The following PLEKHF1 variants were observed in gnomAD, a reference collection of about 807,000 sequenced individuals.
PLEKHF1 encodes pleckstrin homology and FYVE domain containing 1, also known as pleckstrin homology domain-containing family F member 1.
PLEKHF1 carries 1 observed loss-of-function variant against 4.1 expected under a neutral mutation model. That is an observed-to-expected ratio of 0.24 (90% CI 0.09 to 1.15). The LOEUF is 1.15. Ranked by LOEUF, PLEKHF1 falls within the 50% of genes most tolerant of loss-of-function variation. The pLI, the probability that PLEKHF1 is intolerant of heterozygous loss-of-function variation, is 0.52. For synonymous variants in PLEKHF1, 182 were observed against 178.5 expected, an observed-to-expected ratio of 1.02 and a Z score of -0.16; for missense variants, 429 against 400.6, an observed-to-expected ratio of 1.07 and a Z score of -0.60.
rs1424268751 is a variant in PLEKHF1, at chr19:29,674,319, C to A, written c.480C>A (p.Arg160=). The change falls in exon 2 of 2, where the codon CGC becomes CGA. Residue 160 remains arginine, a synonymous_variant. Transcript: ENST00000436066. ...IPDKATDICM[R]CTQTRFSALT... ...ACAAGGCCACGGACATCTGCATGCG[C>A]TGCACGCAGACGCGCTTCTCTGCCC... The A allele has an allele frequency of 1.3e-6, 2 of 1,581,524 alleles. No individual in the cohort carries two copies. Among genetic ancestry groups the A allele is most frequent in the Non-Finnish European group, 1.7e-6 (2 of 1,170,840 alleles).
intron 1 of PLEKHF1, among the ~76,000 whole-genome samples, chr19:29,670,544 T>G (rs114378370): frequency 6.6e-6 from 1 of 152,172 alleles, no homozygotes; most frequent in South Asian, 2.1e-4. Flanking sequence ...GACGTTTGAG[T>G]TGCTTCCACC....
At chr19:29,672,301 C>T (rs1053440826) in intron 1 of PLEKHF1, among the ~76,000 whole-genome samples, 3 of 152,140 alleles carry the variant, frequency 2.0e-5, no homozygotes, top group Non-Finnish European at 4.4e-5. Flanking sequence ...CCACCAGAGA[C>T]AATAATAAAT....
At chr19:29,666,145 C>G (rs1403789448) in intron 1 of PLEKHF1, among the ~76,000 whole-genome samples, 1 of 151,818 alleles carries the variant, frequency 6.6e-6, no homozygotes, top group Non-Finnish European at 1.5e-5. Context: ...CCTGGCGGGC[C>G]GTGTAGGGCA....
At chr19:29,673,788 A>T in intron 1 of PLEKHF1, 36 bp from the exon 2 acceptor site, 1 of 1,559,606 alleles carries the variant, frequency 6.4e-7, no homozygotes, top group Non-Finnish European at 8.7e-7. Flanking sequence ...CCCATGCCTG[A>T]GCCTGGACAT....
Position 29,674,492 on chromosome 19 carries a change from A to G in PLEKHF1, c.653A>G (p.Glu218Gly). The G allele has an allele frequency of 6.5e-7, 1 of 1,547,794 alleles. No homozygotes were observed. Residue 218 changes from glutamate to glycine, a missense_variant, in exon 2 of 2, where the codon GAG becomes GGG. Coordinates refer to ENST00000436066, the MANE Select transcript of PLEKHF1 (RefSeq NM_024310.5). ...YRELAAQQRQ[E>G]EAEEQGAGSP... is the part of the protein sequence containing the mutation. ...GAACTGGCCGCCCAGCAGCGGCAGGAGGAGGCGGAGGAGCAGGGCGCGGGG... is the reference window on the plus strand; with the variant it reads ...GAACTGGCCGCCCAGCAGCGGCAGGGGGAGGCGGAGGAGCAGGGCGCGGGG...
In PLEKHF1 at chr19:29,673,981, A is replaced by G. The variant is rs1191751306; in HGVS notation, c.142A>G (p.Lys48Glu). 3.1e-6 allele frequency: 5 copies of G among 1,614,026 alleles called. No individual in the cohort carries two copies. In the Admixed American group the frequency reaches 5.0e-5, roughly 16 times the overall value. ...GGGCGTGCTGACCAAAGAGTGCCGCAAGAAGGCCAAGCCGCGCATCTTCTT... is the reference window on the plus strand; with the variant it reads ...GGGCGTGCTGACCAAAGAGTGCCGCGAGAAGGCCAAGCCGCGCATCTTCTT... The part of the protein sequence containing the change: ...GEGVLTKECR[K>E]KAKPRIFFLF... The change falls in exon 2 of 2, where the codon AAG (lysine) becomes GAG (glutamate). Residue 48 changes from lysine to glutamate, a missense_variant. By Grantham distance (56) the Lys-to-Glu change is moderately conservative (BLOSUM62 1). Transcript: ENST00000436066.
Position 29,674,514 on chromosome 19 carries a change from G to A in PLEKHF1, c.675G>A (p.Ala225=), listed in dbSNP as rs532411336. The A allele has an allele frequency of 2.6e-6, 4 of 1,565,868 alleles. No individual in the cohort carries two copies. The highest frequency in any genetic ancestry group is 2.4e-5 in the East Asian group (1 of 42,020). The change falls in exon 2 of 2, where the codon GCG becomes GCA. Residue 225 remains alanine, a synonymous_variant. Coordinates refer to ENST00000436066, the MANE Select transcript of PLEKHF1 (RefSeq NM_024310.5). ...QRQEEAEEQG[A]GSPGQPAHLA... ...AGGAGGAGGCGGAGGAGCAGGGCGC[G>A]GGGTCCCCAGGGCAGCCAGCCCACC...
Position 29,673,860 on chromosome 19 carries a change from C to A in PLEKHF1, c.21C>A (p.Asn7Lys), listed in dbSNP as rs1369775005. 20 of 1,602,828 alleles carry A rather than the reference C, an allele frequency of 1.2e-5. No individual in the cohort carries two copies. Among genetic ancestry groups the A allele is most frequent in the Non-Finnish European group, 1.6e-5 (19 of 1,172,644 alleles). The change falls in exon 2 of 2, where the codon AAC becomes AAA. Residue 7 changes from asparagine to lysine, a missense_variant. Coordinates refer to ENST00000436066, the MANE Select transcript of PLEKHF1 (RefSeq NM_024310.5). ...AGACGATGGTGGACCACTTGGCCAA[C>A]ACGGAGATCAACAGCCAGCGCATCG... MVDHLA[N>K]TEINSQRIAA... is the part of the protein sequence containing the mutation.
intron 1 of PLEKHF1, among the ~76,000 whole-genome samples, chr19:29,670,817 A>C (rs1260033937): frequency 6.6e-6 from 1 of 151,918 alleles, no homozygotes; most frequent in East Asian, 1.9e-4. Flanking sequence ...AGCTGGGACT[A>C]CAGGCGCTCG....
In PLEKHF1 at chr19:29,671,466, G is replaced by A. The variant is rs1462753153; in HGVS notation, c.-16-2358G>A. Among the ~76,000 whole-genome samples the A allele has an allele frequency of 1.3e-5, 2 of 152,050 alleles. No individual in the cohort carries two copies. Among genetic ancestry groups the A allele is most frequent in the African/African-American group, 4.8e-5 (2 of 41,360 alleles). On this transcript the variant is annotated intron_variant, in intron 1 of 1. Transcript: ENST00000436066. This position sits in a 1 kb window ranked among gnomAD's most constrained non-coding sequence, Gnocchi z 4.0. ...GCCCCGGGTTTTTATCCTTTTCCCTGCTGGTAGGCATTTTGGTTGTCTCTG... is the reference window on the plus strand; with the variant it reads ...GCCCCGGGTTTTTATCCTTTTCCCTACTGGTAGGCATTTTGGTTGTCTCTG...
In PLEKHF1 at chr19:29,673,848, C is replaced by T. The variant is rs1471296274; in HGVS notation, c.9C>T (p.Asp3=). Residue 3 remains aspartate (D), a synonymous_variant, in exon 2 of 2, where the codon GAC becomes GAT. Transcript: ENST00000436066. ...GCCGCCAGCTGGAGACGATGGTGGACCACTTGGCCAACACGGAGATCAACA... is the reference window on the plus strand; with the variant it reads ...GCCGCCAGCTGGAGACGATGGTGGATCACTTGGCCAACACGGAGATCAACA... MV[D]HLANTEINSQ... is the part of the protein sequence containing the mutation. 1 of 1,596,538 alleles carries T rather than the reference C, an allele frequency of 6.3e-7. No individual in the cohort carries two copies. Among genetic ancestry groups the T allele is most frequent in the Non-Finnish European group, 8.6e-7 (1 of 1,169,144 alleles).
chr19:29,673,805 T>G lies in PLEKHF1; in HGVS notation c.-16-19T>G. 1.9e-6 allele frequency: 3 copies of G among 1,568,910 alleles called. No homozygotes were observed. Among genetic ancestry groups the G allele is most frequent in the Non-Finnish European group, 2.6e-6 (3 of 1,155,204 alleles). ...CATGCCTGAGCCTGGACATACTCCT[T>G]GTCTGTCTCCTCCTGCAGCCGCCAG... is the stretch of plus-strand genomic sequence containing the variant. On this transcript the variant is annotated intron_variant, in intron 1 of 1. Coordinates refer to ENST00000436066, the MANE Select transcript of PLEKHF1 (RefSeq NM_024310.5).
chr19:29,671,771 G>A lies in PLEKHF1; in HGVS notation c.-16-2053G>A, dbSNP rs578071201. Among the ~76,000 whole-genome samples the A allele has an allele frequency of 1.2e-4, 19 of 152,268 alleles. No individual in the cohort carries two copies. The South Asian group carries it at 3.7e-3, about 30-fold the overall frequency. Reference sequence around the variant, plus strand: ...TCTGCAATGCATCCACCCTCACACTGGGGCCCCACTCTGGCTTTCTACTGG... The same window carrying A: ...TCTGCAATGCATCCACCCTCACACTAGGGCCCCACTCTGGCTTTCTACTGG... On this transcript the variant is annotated intron_variant, in intron 1 of 1. Coordinates refer to ENST00000436066, the MANE Select transcript of PLEKHF1 (RefSeq NM_024310.5). This position sits in a 1 kb window ranked among gnomAD's most constrained non-coding sequence, Gnocchi z 4.0.
At chr19:29,665,811 G>A (rs1971563145) in intron 1 of PLEKHF1, 1 of 1,072,006 alleles carries the variant, frequency 9.3e-7, no homozygotes, top group South Asian at 2.2e-5. Context: ...GGGGTCGCGG[G>A]CCACCCGGGA....
intron 1 of PLEKHF1, 67 bp from the exon 2 acceptor site, chr19:29,673,757 G>A: frequency 6.5e-7 from 1 of 1,540,720 alleles, no homozygotes; most frequent in East Asian, 2.3e-5. Context: ...AGTTGGGGGT[G>A]GGCAGCGTGG....
In PLEKHF1 at chr19:29,674,211, C is replaced by T. The variant is rs1347714867; in HGVS notation, c.372C>T (p.Ser124=). The change falls in exon 2 of 2, where the codon AGC becomes AGT. Residue 124 remains serine, a synonymous_variant. Coordinates refer to ENST00000436066, the MANE Select transcript of PLEKHF1 (RefSeq NM_024310.5). ...ASATERQEWI[S]HIEECVRRQL... ...CTACGGAGCGCCAGGAATGGATTAGCCACATCGAGGAGTGCGTGCGGCGGC... is the reference window on the plus strand; with the variant it reads ...CTACGGAGCGCCAGGAATGGATTAGTCACATCGAGGAGTGCGTGCGGCGGC... 6.2e-7 allele frequency: 1 copy of T among 1,612,724 alleles called. No homozygotes were observed. Among genetic ancestry groups the T allele is most frequent in the Non-Finnish European group, 8.5e-7 (1 of 1,179,812 alleles).
rs1193584410 is a variant in PLEKHF1, at chr19:29,671,089, TG to T, written c.-16-2734del. ...AACACTTGTTATTTATTTTTTGTTT[TG>T]TTTTTTTCCCCTCCTTTTTTTTTTT... On this transcript the variant is annotated intron_variant, in intron 1 of 1. Coordinates refer to ENST00000436066, the MANE Select transcript of PLEKHF1 (RefSeq NM_024310.5). This position sits in a 1 kb window ranked among gnomAD's most constrained non-coding sequence, Gnocchi z 4.0. Among the ~76,000 whole-genome samples, 1 of 151,962 alleles carries T rather than the reference TG, an allele frequency of 6.6e-6. No individual in the cohort carries two copies. The highest frequency in any genetic ancestry group is 1.9e-4 in the East Asian group (1 of 5,176).
At chr19:29,673,142 C>T (rs927182919) in intron 1 of PLEKHF1, among the ~76,000 whole-genome samples, 5 of 152,144 alleles carry the variant, frequency 3.3e-5, no homozygotes, top group South Asian at 2.1e-4. Context: ...AAGCACTCGG[C>T]GCCTGTGCTT....
rs373659768 is a variant in PLEKHF1, at chr19:29,674,512, G to A, written c.673G>A (p.Ala225Thr). The A allele has an allele frequency of 1.9e-6, 3 of 1,562,336 alleles. No homozygotes were observed. Among genetic ancestry groups the A allele is most frequent in the Admixed American group, 1.9e-5 (1 of 52,950 alleles). The change falls in exon 2 of 2, where the codon GCG becomes ACG. Residue 225 changes from alanine (A) to threonine (T), a missense_variant. By Grantham distance (58) the Ala-to-Thr change is moderately conservative. Transcript: ENST00000436066. ...GCAGGAGGAGGCGGAGGAGCAGGGC[G>A]CGGGGTCCCCAGGGCAGCCAGCCCA... The part of the protein sequence containing the change: ...QRQEEAEEQG[A>T]GSPGQPAHLA...
Sources: allele counts gnomAD v4.1 joint callset (sites outside exome capture counted in the v4.1 genomes callset), GRCh38; gene constraint gnomAD v4.1.1; non-coding constraint Gnocchi (gnomAD v3.1); transcripts MANE v1.5; gene names NCBI Gene and HGNC (gene_info 2026-07-23, HGNC 2026-07-21).